The following DENND1A variants were observed in gnomAD, a reference collection of about 807,000 sequenced individuals.
DENND1A encodes the protein DENN domain-containing protein 1A.
A neutral mutation model predicts 113.7 loss-of-function variants in DENND1A; 51 were observed. The observed-to-expected ratio is 0.45, with a 90% CI of 0.36 to 0.57. The LOEUF (loss-of-function observed/expected upper bound fraction) is 0.57, where lower values mean the gene tolerates loss of function less well. Among genes scored for constraint, DENND1A ranks in the 20% least tolerant of loss-of-function variants. The pLI is 0.00. For missense variants in DENND1A, 1,258 were observed against 1,395.9 expected, an observed-to-expected ratio of 0.90 and a Z score of 1.57; for synonymous variants, 565 against 570.8, an observed-to-expected ratio of 0.99 and a Z score of 0.14.
rs1841356143 is a variant in DENND1A at position 123,838,420 on chromosome 9, C to T, written c.88+40531G>A. 2.6e-5 allele frequency among the ~76,000 whole-genome samples: 4 copies of T among 151,916 alleles called. No individual in the cohort carries two copies. The South Asian group carries it at 8.3e-4, about 31-fold the overall frequency. ...ATAAAGCAAATAGAAGCTTAACAAA[C>T]GTTAAGTTACAGCCACGAGCTTTGC... is the stretch of plus-strand genomic sequence containing the variant. On this transcript the variant is annotated intron_variant, in intron 2 of 23. Transcript: ENST00000394215.
chr9:123,920,725 A>G (rs939348537), intron 1 of DENND1A, among the ~76,000 whole-genome samples: 5 of 151,156 alleles, frequency 3.3e-5, no homozygotes, highest in African/African-American at 1.2e-4. Flanking sequence ...ATGCCCAGCT[A>G]ATTTTTGTAA....
intron 5 of DENND1A, among the ~76,000 whole-genome samples, chr9:123,708,458 A>G (rs1007807730): frequency 3.3e-5 from 5 of 152,134 alleles, no homozygotes; most frequent in African/African-American, 9.7e-5. Context: ...TGCTTGCACA[A>G]TATTTTTGGA....
chr9:123,921,911 C>T lies in DENND1A; in HGVS notation c.17+7978G>A, dbSNP rs118069990. Reference sequence around the variant, plus strand: ...TCTACTTAAAATCTCTCAAAGCCATCCTTTTTTTTTTTTTTCTTTTTTCTT... The same window carrying T: ...TCTACTTAAAATCTCTCAAAGCCATTCTTTTTTTTTTTTTTCTTTTTTCTT... On this transcript the variant is annotated intron_variant, in intron 1 of 23. Transcript: ENST00000394215. Among the ~76,000 whole-genome samples, 639 of 140,050 alleles carry T rather than the reference C, an allele frequency of 4.6e-3. 4 individuals carry two copies. Among genetic ancestry groups the T allele is most frequent in the Non-Finnish European group, 7.8e-3 (516 of 66,268 alleles). The allele number at this position is 140,050 out of a possible 152,430, so 91.9% of individuals were successfully genotyped here.
chr9:123,458,902 G>A (rs796154347), intron 13 of DENND1A, among the ~76,000 whole-genome samples: 13 of 152,032 alleles, frequency 8.6e-5, no homozygotes, highest in African/African-American at 3.1e-4. Flanking sequence ...CAGAGGTTGC[G>A]GTGAGCCAAG....
intron 2 of DENND1A, among the ~76,000 whole-genome samples, chr9:123,845,383 G>A (rs1041891200): frequency 7.2e-5 from 11 of 152,048 alleles, no homozygotes; most frequent in African/African-American, 2.7e-4. Flanking sequence ...TTGGATTGTA[G>A]GCTGGGGATA....
intron 1 of DENND1A, among the ~76,000 whole-genome samples, chr9:123,921,512 G>A (rs1381801785): frequency 1.3e-5 from 2 of 152,096 alleles, no homozygotes; most frequent in East Asian, 1.9e-4. Context: ...CAGCCTATGC[G>A]AGATCAATGC....
At chr9:123,812,103 A>G (rs1443481370) in intron 2 of DENND1A, among the ~76,000 whole-genome samples, 1 of 152,036 alleles carries the variant, frequency 6.6e-6, no homozygotes, top group Admixed American at 6.5e-5. Flanking sequence ...AGAAGTAACC[A>G]TTTTTTAAGG....
intron 13 of DENND1A, among the ~76,000 whole-genome samples, chr9:123,489,903 C>T (rs974058556): frequency 6.6e-6 from 1 of 152,160 alleles, no homozygotes; most frequent in Non-Finnish European, 1.5e-5. Flanking sequence ...ATGTTCTGAT[C>T]CCAACCGACA....
At chr9:123,573,953 T>C (rs761493460) in intron 12 of DENND1A, among the ~76,000 whole-genome samples, 14 of 152,106 alleles carry the variant, frequency 9.2e-5, no homozygotes, top group African/African-American at 2.2e-4. Context: ...GTTCTTATCA[T>C]GAATATTGCC....
At chr9:123,707,180 A>G (rs2066274512) in intron 5 of DENND1A, among the ~76,000 whole-genome samples, 1 of 152,222 alleles carries the variant, frequency 6.6e-6, no homozygotes, top group Non-Finnish European at 1.5e-5. Flanking sequence ...GGATCACCTG[A>G]TATCAGGAGT....
At chr9:123,620,213 C>CAAAAAAAAAAAAAAAAAAAAAAAAAAA (rs34196587) in intron 10 of DENND1A, among the ~76,000 whole-genome samples, 3 of 59,046 alleles carry the variant, frequency 5.1e-5, no homozygotes, top group African/African-American at 2.1e-4. Flanking sequence ...GACTCCATCT[C>CAAAAAAAAAAAAAAAAAAAAAAAAAAA]AAAAAAAAAA....
At chr9:123,915,502 G>C (rs2134081854) in intron 1 of DENND1A, among the ~76,000 whole-genome samples, 1 of 152,202 alleles carries the variant, frequency 6.6e-6, no homozygotes, top group Admixed American at 6.5e-5. Flanking sequence ...GAAATCAAAA[G>C]ACAGTGTTGA....
At chr9:123,574,907 T>C (rs932885359) in intron 12 of DENND1A, among the ~76,000 whole-genome samples, 1 of 152,248 alleles carries the variant, frequency 6.6e-6, no homozygotes, top group African/African-American at 2.4e-5. Flanking sequence ...GACTTTATTG[T>C]GATTTCATCA....
At chr9:123,587,457 T>C (rs1033402117) in intron 11 of DENND1A, among the ~76,000 whole-genome samples, 10 of 152,158 alleles carry the variant, frequency 6.6e-5, no homozygotes, top group African/African-American at 2.2e-4. Flanking sequence ...AGACAACCAG[T>C]TAGACCAGAA....
In DENND1A at chr9:123,918,469, T is replaced by C. The variant is rs928304240; in HGVS notation, c.17+11420A>G. Among the ~76,000 whole-genome samples, 6 of 134,298 alleles carry C rather than the reference T, an allele frequency of 4.5e-5. No individual in the cohort carries two copies. In the South Asian group the frequency reaches 9.3e-4, roughly 21 times the overall value. 88.1% of individuals were successfully genotyped at this position (134,298 alleles called of 152,430 possible). On this transcript the variant is annotated intron_variant, in intron 1 of 23. Coordinates refer to ENST00000394215, the MANE Select transcript of DENND1A (RefSeq NM_001352964.2). ...CGCCACTGCTCTCCAGCCTGGGCAA[T>C]AGAGGGAGACTCCGTCTCAGAAAAA...
rs148240242 is a variant in DENND1A, at chr9:123,411,817, G to A, written c.1501C>T (p.Arg501Cys). The A allele has an allele frequency of 4.2e-5, 41 of 985,928 alleles. 1 individual carries two copies. The East Asian group carries it at 2.0e-3, about 49-fold the overall frequency. The allele number at this position is 985,928 out of a possible 1,614,324, so 61.1% of individuals were successfully genotyped here. A position where few individuals can be genotyped will look rare whatever the true frequency, so the allele number is the denominator to read the frequency against. ...TVHFGQLQRL[R>C]PTRPPPKIQR... ...ATCTTGGGAGGCGGTCGGGTGGGACGCAGTCTCTGCAGCTGCATTAAAGTG... is the reference window on the plus strand; with the variant it reads ...ATCTTGGGAGGCGGTCGGGTGGGACACAGTCTCTGCAGCTGCATTAAAGTG... Residue 501 changes from arginine to cysteine, a missense_variant, in exon 20 of 24, where the codon CGT becomes TGT. This residue lies in a region of DENND1A where 1,159 missense variants were observed against 1,231.7 expected (regional missense o/e 0.94). Transcript: ENST00000394215.
chr9:123,926,936 T>A (rs983013594), intron 1 of DENND1A, among the ~76,000 whole-genome samples: 5 of 144,230 alleles, frequency 3.5e-5, no homozygotes, highest in African/African-American at 1.0e-4. Flanking sequence ...GAAACACGGA[T>A]GAAGGGCACC....
intron 13 of DENND1A, among the ~76,000 whole-genome samples, chr9:123,504,281 A>T (rs2052730679): frequency 1.3e-5 from 2 of 151,604 alleles, no homozygotes; most frequent in Non-Finnish European, 2.9e-5. Flanking sequence ...ACCTCATCTC[A>T]CCTACCCTAC....
chr9:123,381,995 G>C lies in DENND1A; in HGVS notation c.2650C>G (p.Pro884Ala). The C allele has an allele frequency of 6.8e-7, 1 of 1,477,806 alleles. No homozygotes were observed. Among genetic ancestry groups the C allele is most frequent in the Admixed American group, 2.7e-5 (1 of 37,364 alleles). The allele number at this position is 1,477,806 out of a possible 1,614,324, so 91.5% of individuals were successfully genotyped here. ...AGTGGTGGCTGTGGGAATGGGGTGG[G>C]TGTCCCTGCAGGGGGGAAGCTGAAT... Reference protein sequence around the residue: ...PQFSFPPAGTPTPFPQPPLNP... With the variant: ...PQFSFPPAGTATPFPQPPLNP... The change falls in exon 24 of 24, where the codon CCC (proline) becomes GCC (alanine). Residue 884 changes from proline to alanine, a missense_variant. Coordinates refer to ENST00000394215, the MANE Select transcript of DENND1A (RefSeq NM_001352964.2). The surrounding 1 kb of genome is among the most constrained non-coding windows in gnomAD (Gnocchi z 4.7).
Sources: allele counts gnomAD v4.1 joint callset (sites outside exome capture counted in the v4.1 genomes callset), GRCh38; gene constraint gnomAD v4.1.1; regional missense constraint gnomAD v4.1.1; non-coding constraint Gnocchi (gnomAD v3.1); transcripts MANE v1.5; gene names NCBI Gene and HGNC (gene_info 2026-07-23, HGNC 2026-07-21).